The following RTF1 variants were observed in gnomAD, a reference collection of about 807,000 sequenced individuals.
RTF1 encodes RNA polymerase-associated protein RTF1 homolog.
In RTF1, 10 loss-of-function variants were observed where a neutral mutation model predicts 95.7. That is an observed-to-expected ratio of 0.10 (90% CI 0.06 to 0.18). The LOEUF is 0.18. Ranked by LOEUF, RTF1 falls within the 10% of genes least tolerant of loss-of-function variation. The pLI, the probability that RTF1 is intolerant of heterozygous loss-of-function variation, is 1.00. For synonymous variants in RTF1, 305 were observed against 311.8 expected (o/e 0.98, Z 0.23); for missense variants, 458 against 875.6 (o/e 0.52, Z 6.02).
intron 4 of RTF1, among the ~76,000 whole-genome samples, chr15:41,462,261 T>A (rs946626968): frequency 2.0e-5 from 3 of 152,178 alleles, no homozygotes; most frequent in Non-Finnish European, 4.4e-5. Context: ...TAGTCTTTTT[T>A]ATGTAAGCAC....
intron 2 of RTF1, among the ~76,000 whole-genome samples, chr15:41,448,412 A>G (rs1490462858): frequency 1.3e-5 from 2 of 152,118 alleles, no homozygotes; most frequent in African/African-American, 2.4e-5. Context: ...AACGCCTGTA[A>G]TCTCAGCATT....
intron 2 of RTF1, among the ~76,000 whole-genome samples, chr15:41,446,747 C>T (rs1016583759): frequency 3.3e-5 from 5 of 151,714 alleles, no homozygotes; most frequent in African/African-American, 1.2e-4. Context: ...GGCTTGGGCT[C>T]TATCCCATTT....
At position 41,479,178 on chromosome 15, in the gene RTF1, G is replaced by A. The variant is rs2050957492; in HGVS notation, c.1894G>A (p.Ala632Thr). Residue 632 changes from alanine to threonine, a missense_variant, in exon 16 of 18, where the codon GCT (alanine) becomes ACT (threonine). Around this residue, in one of 11 missense-constraint regions of RTF1, gnomAD observed 50 missense variants for 100.0 expected, o/e 0.50. Coordinates refer to ENST00000389629, the MANE Select transcript of RTF1 (RefSeq NM_015138.5). ...AKYGSGVLPD[A>T]PKEMSKGQGK... ...ATACGGTTCTGGAGTGTTACCAGAT[G>A]CTCCAAAGGAAATGAGCAAGGCAAG... The A allele has an allele frequency of 1.9e-6, 3 of 1,613,090 alleles. No homozygotes were observed. Among genetic ancestry groups the A allele is most frequent in the Non-Finnish European group, 2.5e-6 (3 of 1,179,316 alleles).
chr15:41,428,772 C>T (rs780163424), intron 1 of RTF1, among the ~76,000 whole-genome samples: 22 of 149,936 alleles, frequency 1.5e-4, no homozygotes, highest in Admixed American at 4.0e-4. Context: ...GAGTCTTGCT[C>T]TGTTGCCCAG....
chr15:41,421,322 G>A (rs1156864920), intron 1 of RTF1, among the ~76,000 whole-genome samples: 2 of 152,096 alleles, frequency 1.3e-5, no homozygotes, highest in Non-Finnish European at 2.9e-5. Flanking sequence ...CAGGCATGGT[G>A]GTGCTTGCCT....
chr15:41,453,069 C>T, intron 3 of RTF1, 21 bp downstream of exon 3: 3 of 1,540,750 alleles, frequency 1.9e-6, no homozygotes, highest in Non-Finnish European at 2.6e-6. Flanking sequence ...CAGCCTAGAC[C>T]TGGAAGGTCA....
In RTF1 at chr15:41,480,339, G is replaced by A. The variant is rs752234715; in HGVS notation, c.2026+14G>A. ...TTCCCAGCTCAGGTATGTGAGGGTG[G>A]GGCGGGTGGTGAGGGCTGAGAACCA... On this transcript the variant is annotated intron_variant, in intron 17 of 17. Transcript: ENST00000389629. 1 of 1,565,016 alleles carries A rather than the reference G, an allele frequency of 6.4e-7. No homozygotes were observed. The highest frequency in any genetic ancestry group is 8.8e-7 in the Non-Finnish European group (1 of 1,135,234).
chr15:41,417,140 C>A lies in RTF1; in HGVS notation c.25C>A (p.Arg9=), dbSNP rs377369113. The change falls in exon 1 of 18, where the codon CGA becomes AGA. Residue 9 remains arginine (R), a synonymous_variant. Coordinates refer to ENST00000389629, the MANE Select transcript of RTF1 (RefSeq NM_015138.5). ...CATGCGCGGTCGCCTTTGTGTGGGT[C>A]GAGCAGCGGCGGCGGCGGCGGCAGT... is the stretch of plus-strand genomic sequence containing the variant. The part of the protein sequence containing the change: MRGRLCVG[R]AAAAAAAVAV... 34 of 1,255,926 alleles carry A rather than the reference C, an allele frequency of 2.7e-5. No individual in the cohort carries two copies. Among genetic ancestry groups the A allele is most frequent in the Non-Finnish European group, 3.3e-5 (33 of 996,408 alleles). 77.8% of individuals were successfully genotyped at this position (1,255,926 alleles called of 1,614,324 possible). A position where few individuals can be genotyped will look rare whatever the true frequency, so the allele number is the denominator to read the frequency against.
At chr15:41,459,015 T>C (rs2050833126) in intron 4 of RTF1, among the ~76,000 whole-genome samples, 1 of 152,020 alleles carries the variant, frequency 6.6e-6, no homozygotes, top group Non-Finnish European at 1.5e-5. Context: ...GAGGTTGCAG[T>C]GAGCCAAGAT....
At chr15:41,469,821 G>A (rs925057626) in intron 6 of RTF1, among the ~76,000 whole-genome samples, 5 of 152,108 alleles carry the variant, frequency 3.3e-5, no homozygotes, top group African/African-American at 4.8e-5. Flanking sequence ...CACCGCACCC[G>A]TCCCCACGTT....
At chr15:41,419,816 C>CTTTA (rs995186436) in intron 1 of RTF1, among the ~76,000 whole-genome samples, 7 of 152,202 alleles carry the variant, frequency 4.6e-5, no homozygotes, top group South Asian at 2.1e-4. Flanking sequence ...AGAATTGCCA[C>CTTTA]TTTATTTATT....
Position 41,417,240 on chromosome 15 carries a change from T to C in RTF1, c.125T>C (p.Val42Ala). Reference sequence around the variant, plus strand: ...CGTGGGAGCCGGGGGACCACCATGGTAAAGAAGCGGAAAGGCCGCGTCGTG... The same window carrying C: ...CGTGGGAGCCGGGGGACCACCATGGCAAAGAAGCGGAAAGGCCGCGTCGTG... ...GRRGSRGTTM[V>A]KKRKGRVVID... Residue 42 changes from valine (V) to alanine (A), a missense_variant, in exon 1 of 18, where the codon GTA becomes GCA. Physicochemically the swap from Val to Ala is moderately conservative, Grantham distance 64. This residue lies in a region of RTF1 where 44 missense variants were observed against 99.5 expected (regional missense o/e 0.44). Transcript: ENST00000389629. 1 of 1,253,794 alleles carries C rather than the reference T, an allele frequency of 8.0e-7. No homozygotes were observed. The highest frequency in any genetic ancestry group is 1.0e-6 in the Non-Finnish European group (1 of 991,882). 77.7% of individuals were successfully genotyped at this position (1,253,794 alleles called of 1,614,324 possible). A position where few individuals can be genotyped will look rare whatever the true frequency, so the allele number is the denominator to read the frequency against.
intron 1 of RTF1, among the ~76,000 whole-genome samples, chr15:41,431,877 T>C (rs867520672): frequency 3.3e-4 from 50 of 151,788 alleles, no homozygotes; most frequent in Middle Eastern, 6.8e-3. Flanking sequence ...CTTGGCCCAC[T>C]GCAACCTTCA....
chr15:41,433,919 C>T (rs1352214008), intron 1 of RTF1, among the ~76,000 whole-genome samples: 1 of 140,680 alleles, frequency 7.1e-6, no homozygotes, highest in Non-Finnish European at 1.5e-5. Context: ...TATTTCAGTT[C>T]ACTGCAACCT....
chr15:41,453,291 C>G (rs1365806539), intron 3 of RTF1, among the ~76,000 whole-genome samples: 1 of 152,146 alleles, frequency 6.6e-6, no homozygotes, highest in Non-Finnish European at 1.5e-5. Context: ...CACGAGGATT[C>G]CTGCATTAGT....
chr15:41,427,491 C>T (rs1304699986), intron 1 of RTF1, among the ~76,000 whole-genome samples: 3 of 152,042 alleles, frequency 2.0e-5, no homozygotes, highest in Non-Finnish European at 2.9e-5. Flanking sequence ...TGGTGGCATG[C>T]GCCTGTGGTC....
chr15:41,449,375 C>T (rs373630325), intron 2 of RTF1, among the ~76,000 whole-genome samples: 12 of 152,052 alleles, frequency 7.9e-5, no homozygotes, highest in Admixed American at 2.0e-4. Context: ...GGACTACAGG[C>T]GCCCGCCACC....
chr15:41,470,191 T>C, intron 6 of RTF1, 66 bp from the exon 7 acceptor site: 2 of 1,556,206 alleles, frequency 1.3e-6, no homozygotes, highest in Non-Finnish European at 1.8e-6. Context: ...TTTCCAGTTC[T>C]TTTTCAAGGA....
Position 41,471,135 on chromosome 15 carries a change from A to T in RTF1, c.1026-37A>T. The T allele has an allele frequency of 1.3e-6, 2 of 1,551,168 alleles. 1 individual carries two copies. The highest frequency in any genetic ancestry group is 1.7e-6 in the Non-Finnish European group (2 of 1,147,716). ...TTTTCTGTCTTGTTCTGTTTTTATGATGAACATTTTTTCCAGTGCCCCTTT... is the reference window on the plus strand; with the variant it reads ...TTTTCTGTCTTGTTCTGTTTTTATGTTGAACATTTTTTCCAGTGCCCCTTT... On this transcript the variant is annotated intron_variant, in intron 7 of 17. Coordinates refer to ENST00000389629, the MANE Select transcript of RTF1 (RefSeq NM_015138.5).
Sources: gnomAD v4.1 joint callset for allele counts (sites outside exome capture counted in the v4.1 genomes callset) on GRCh38, gnomAD v4.1.1 for gene constraint, gnomAD v4.1.1 regional missense constraint, MANE v1.5 for transcripts, NCBI Gene and HGNC (gene_info 2026-07-23, HGNC 2026-07-21) for gene names.